BRAF: variants seen among roughly 807,000 people sequenced by gnomAD.
BRAF encodes the protein B-Raf proto-oncogene, serine/threonine kinase.
A neutral mutation model predicts 104.6 loss-of-function variants in BRAF; 16 were observed. The ratio of observed to expected loss-of-function variants is 0.15; its 90% CI spans 0.10 to 0.23. BRAF has a LOEUF of 0.23. Ranked by LOEUF, BRAF falls within the 10% of genes least tolerant of loss-of-function variation. The probability of loss-of-function intolerance (pLI) is 1.00; values close to 1 mark genes in which losing one functional copy is unlikely to be tolerated. For missense variants in BRAF, 541 were observed against 937.3 expected (o/e 0.58, Z 5.52); for synonymous variants, 310 against 341.6 (o/e 0.91, Z 1.02).
rs1164489014 is a variant in BRAF at position 140,726,264 on chromosome 7, T to C, written c.*230A>G. 5.0e-6 allele frequency: 7 copies of C among 1,402,572 alleles called. No individual in the cohort carries two copies. Among genetic ancestry groups the C allele is most frequent in the Non-Finnish European group, 6.5e-6 (7 of 1,084,928 alleles). The allele number at this position is 1,402,572 out of a possible 1,614,324, so 86.9% of individuals were successfully genotyped here. ...CTTCCTGGGACTGGGCAGACTTGTATGCTCGTGGTATTTTTGTTGAAGAAA... is the reference window on the plus strand; with the variant it reads ...CTTCCTGGGACTGGGCAGACTTGTACGCTCGTGGTATTTTTGTTGAAGAAA... On this transcript the variant is annotated 3_prime_UTR_variant, in exon 20 of 20. Transcript: ENST00000644969.
At chr7:140,753,425 A>G (rs2128998582) in intron 15 of BRAF, 32 bp from the exon 15 acceptor site, 2 of 1,385,526 alleles carry the variant, frequency 1.4e-6, no homozygotes, top group Non-Finnish European at 2.1e-6. Flanking sequence ...AAAACAGTAG[A>G]TCTCATTTTC....
intron 18 of BRAF, among the ~76,000 whole-genome samples, chr7:140,738,109 G>A (rs1247948727): frequency 1.3e-5 from 2 of 151,996 alleles, no homozygotes; most frequent in Non-Finnish European, 2.9e-5. Flanking sequence ...CAACCCAGAG[G>A]TTTCCTGACT....
In BRAF at chr7:140,889,134, G is replaced by A. The variant is rs768783284; in HGVS notation, c.138+35432C>T. Among the ~76,000 whole-genome samples, 20 of 152,146 alleles carry A rather than the reference G, an allele frequency of 1.3e-4. No homozygotes were observed. The South Asian group carries it at 1.9e-3, about 14-fold the overall frequency. ...ACATCCATTTCAAAACATCAACAGC[G>A]CCAATGTTGAGAAACCCTAATCTAA... On this transcript the variant is annotated intron_variant, in intron 1 of 19. Coordinates refer to ENST00000644969, the MANE Select transcript of BRAF (RefSeq NM_001374258.1).
At chr7:140,922,296 C>T (rs1818308698) in intron 1 of BRAF, among the ~76,000 whole-genome samples, 1 of 152,188 alleles carries the variant, frequency 6.6e-6, no homozygotes, top group Non-Finnish European at 1.5e-5. Flanking sequence ...TAGAGGTTCT[C>T]AAGGATTGGT....
intron 1 of BRAF, among the ~76,000 whole-genome samples, chr7:140,885,061 G>A (rs1205072610): frequency 6.6e-6 from 1 of 152,024 alleles, no homozygotes; most frequent in African/African-American, 2.4e-5. Flanking sequence ...GAGTGCAATG[G>A]CACGATCTCA....
At chr7:140,886,473 C>A (rs534597161) in intron 1 of BRAF, among the ~76,000 whole-genome samples, 1 of 152,322 alleles carries the variant, frequency 6.6e-6, no homozygotes, top group South Asian at 2.1e-4. Flanking sequence ...CTCATCCCAG[C>A]CTACCTCCTG....
chr7:140,901,406 A>T (rs1039518543), intron 1 of BRAF, among the ~76,000 whole-genome samples: 1 of 152,186 alleles, frequency 6.6e-6, no homozygotes, highest in Non-Finnish European at 1.5e-5. Flanking sequence ...GAGCATTAAA[A>T]ATTTGCCGAG....
chr7:140,915,104 G>A (rs1817470375), intron 1 of BRAF, among the ~76,000 whole-genome samples: 1 of 147,230 alleles, frequency 6.8e-6, no homozygotes. Context: ...ACAATTTTAT[G>A]GCTGACACCA....
At chr7:140,813,410 A>C (rs928937054) in intron 3 of BRAF, among the ~76,000 whole-genome samples, 1 of 152,216 alleles carries the variant, frequency 6.6e-6, no homozygotes, top group Non-Finnish European at 1.5e-5. Flanking sequence ...ATGAAGCTAT[A>C]AACAGACATC....
At chr7:140,731,325 T>G (rs1348559184) in intron 19 of BRAF, 2 of 152,198 alleles carry the variant, frequency 1.3e-5, no homozygotes, top group Non-Finnish European at 2.9e-5. Flanking sequence ...CCAGGCAGTT[T>G]CAAAAGGATG....
intron 1 of BRAF, among the ~76,000 whole-genome samples, chr7:140,872,154 G>T (rs1003046160): frequency 6.6e-6 from 1 of 152,098 alleles, no homozygotes; most frequent in African/African-American, 2.4e-5. Context: ...GGTGGAGGCT[G>T]CAGTGAGCCG....
intron 6 of BRAF, 151 bp from the exon 7 acceptor site, chr7:140,800,632 AT>A: frequency 2.3e-6 from 3 of 1,288,856 alleles, no homozygotes; most frequent in Non-Finnish European, 3.2e-6. Context: ...CTAAAGGCTT[AT>A]TTTAAAAAAA....
intron 3 of BRAF, among the ~76,000 whole-genome samples, chr7:140,822,824 A>G (rs1159130248): frequency 6.6e-6 from 1 of 152,190 alleles, no homozygotes; most frequent in Non-Finnish European, 1.5e-5. Flanking sequence ...CTAAGTGTAC[A>G]TCTGACTTTT....
chr7:140,810,720 CT>C (rs1208236477), intron 3 of BRAF, among the ~76,000 whole-genome samples: 2 of 152,208 alleles, frequency 1.3e-5, no homozygotes, highest in Non-Finnish European at 2.9e-5. Flanking sequence ...AATCTCTCTA[CT>C]TGCTAAAATT....
intron 2 of BRAF, among the ~76,000 whole-genome samples, chr7:140,849,180 A>G (rs1808886943): frequency 6.6e-6 from 1 of 152,152 alleles, no homozygotes; most frequent in Admixed American, 6.5e-5. Context: ...TACCACCTAG[A>G]TTCTGTAACA....
At chr7:140,847,762 T>C (rs1298553511) in intron 2 of BRAF, among the ~76,000 whole-genome samples, 1 of 152,112 alleles carries the variant, frequency 6.6e-6, no homozygotes, top group African/African-American at 2.4e-5. Context: ...ACTAATGAGG[T>C]GGGGTATAAG....
At chr7:140,751,145 G>A (rs76499730) in intron 16 of BRAF, among the ~76,000 whole-genome samples, 9,635 of 152,096 alleles carry the variant, frequency 0.063, 365 homozygotes, top group South Asian at 0.19. Context: ...AAAGAATAAA[G>A]GAGAAACCCA....
chr7:140,867,846 G>C (rs943646054), intron 1 of BRAF, among the ~76,000 whole-genome samples: 1 of 152,160 alleles, frequency 6.6e-6, no homozygotes, highest in Non-Finnish European at 1.5e-5. Context: ...TCTTTTACCC[G>C]TAACTCTGCA....
intron 3 of BRAF, among the ~76,000 whole-genome samples, chr7:140,829,211 T>C (rs747317820): frequency 6.7e-6 from 1 of 149,722 alleles, no homozygotes; most frequent in African/African-American, 2.4e-5. Context: ...GGGGGGGGCA[T>C]ACATAATTTC....
Sources: gnomAD v4.1 joint callset for allele counts (sites outside exome capture counted in the v4.1 genomes callset) on GRCh38, gnomAD v4.1.1 for gene constraint, MANE v1.5 for transcripts, NCBI Gene and HGNC (gene_info 2026-07-23, HGNC 2026-07-21) for gene names.